The following CPD variants were observed in gnomAD, a reference collection of about 807,000 sequenced individuals.
CPD encodes the protein carboxypeptidase D.
A neutral mutation model predicts 138.3 loss-of-function variants in CPD; 69 were observed. That is an observed-to-expected ratio of 0.50 (90% CI 0.41 to 0.61). The LOEUF is 0.61. Ranked by LOEUF, CPD falls within the 20% of genes least tolerant of loss-of-function variation. The pLI is 0.00. For missense variants in CPD, 1,432 were observed against 1,733.3 expected (o/e 0.83, Z 3.09); for synonymous variants, 651 against 642.1 (o/e 1.01, Z -0.21).
chr17:30,447,532 A>G (rs566896006), intron 12 of CPD: 1 of 152,324 alleles, frequency 6.6e-6, no homozygotes, highest in East Asian at 1.9e-4. Flanking sequence ...CTACAGATCT[A>G]TTAATATGTT....
At chr17:30,438,595 G>GTATTA (rs978009946) in intron 8 of CPD, among the ~76,000 whole-genome samples, 1 of 152,068 alleles carries the variant, frequency 6.6e-6, no homozygotes, top group African/African-American at 2.4e-5. Context: ...TATTGTGTGT[G>GTATTA]TATTATCTTT....
intron 8 of CPD, among the ~76,000 whole-genome samples, chr17:30,435,846 T>G (rs1484784515): frequency 6.6e-6 from 1 of 152,140 alleles, no homozygotes; most frequent in Non-Finnish European, 1.5e-5. Context: ...TCCTTCCTTG[T>G]TTCTCCCTAG....
Position 30,385,309 on chromosome 17 carries a change from AAAG to A in CPD, c.994+79_994+81del, listed in dbSNP as rs1911154825. 7 of 1,502,490 alleles carry A rather than the reference AAAG, an allele frequency of 4.7e-6. No homozygotes were observed. The East Asian group carries it at 1.4e-4, about 29-fold the overall frequency. The allele number at this position is 1,502,490 out of a possible 1,614,324, so 93.1% of individuals were successfully genotyped here. A position where few individuals can be genotyped will look rare whatever the true frequency, so the allele number is the denominator to read the frequency against. ...TTTTGTTATGTGTATTCTGAGCAAA[AAAG>A]AAGAAACTCTGTAGAAATCTAACTT... On this transcript the variant is annotated intron_variant, in intron 2 of 20. Transcript: ENST00000225719.
At chr17:30,453,265 A>C (rs1913211741) in intron 14 of CPD, among the ~76,000 whole-genome samples, 1 of 152,220 alleles carries the variant, frequency 6.6e-6, no homozygotes, top group African/African-American at 2.4e-5. Flanking sequence ...AAAGCAAGTT[A>C]GTTACTTCCT....
rs958136529 is a variant in CPD at position 30,469,165 on chromosome 17, T to C, written c.*4351T>C. 1.4e-4 allele frequency: 22 copies of C among 152,288 alleles called. No homozygotes were observed. Among genetic ancestry groups the C allele is most frequent in the African/African-American group, 5.3e-4 (22 of 41,562 alleles). 9.4% of individuals were successfully genotyped at this position (152,288 alleles called of 1,614,324 possible). On this transcript the variant is annotated 3_prime_UTR_variant, in exon 21 of 21. Transcript: ENST00000225719. ...TAGGAATTGGGAAAGCAAAGTTGTA[T>C]GAGAAACAGACTCTGCTGATAAAGT... is the stretch of plus-strand genomic sequence containing the variant.
intron 11 of CPD, among the ~76,000 whole-genome samples, chr17:30,445,337 C>T (rs1334312523): frequency 1.3e-5 from 2 of 151,902 alleles, no homozygotes; most frequent in African/African-American, 4.8e-5. Flanking sequence ...TGGTGGTGGG[C>T]ACCTGCAATC....
intron 17 of CPD, among the ~76,000 whole-genome samples, chr17:30,460,464 G>A (rs185270611): frequency 6.6e-6 from 1 of 152,242 alleles, no homozygotes; most frequent in African/African-American, 2.4e-5. Flanking sequence ...AAAGTAATGA[G>A]GGCCTAGGTT....
Position 30,464,440 on chromosome 17 carries a change from G to A in CPD, c.3917-148G>A, listed in dbSNP as rs1913576818. Reference sequence around the variant, plus strand: ...AAACTTTGTATATTGTACATATACTGCTTCTATAATAATAAAGGTTGTTCT... The same window carrying A: ...AAACTTTGTATATTGTACATATACTACTTCTATAATAATAAAGGTTGTTCT... On this transcript the variant is annotated intron_variant, in intron 20 of 20. Transcript: ENST00000225719. 2.3e-5 allele frequency: 15 copies of A among 666,654 alleles called. No homozygotes were observed. The Admixed American group carries it at 4.0e-4, about 18-fold the overall frequency. The allele number at this position is 666,654 out of a possible 1,614,324, so 41.3% of individuals were successfully genotyped here. A position where few individuals can be genotyped will look rare whatever the true frequency, so the allele number is the denominator to read the frequency against.
At chr17:30,427,937 T>TTCC (rs1344897377) in intron 7 of CPD, among the ~76,000 whole-genome samples, 1 of 151,696 alleles carries the variant, frequency 6.6e-6, no homozygotes, top group Non-Finnish European at 1.5e-5. Context: ...TACTCTGTTC[T>TTCC]TCCTCCTCCT....
chr17:30,387,495 T>C (rs566828249), intron 2 of CPD, among the ~76,000 whole-genome samples: 81 of 152,314 alleles, frequency 5.3e-4, no homozygotes, highest in African/African-American at 1.9e-3. Context: ...TTTTTAAACT[T>C]TAGGTATGCT....
At position 30,389,098 on chromosome 17, in the gene CPD, G is replaced by A. The variant is rs151126554; in HGVS notation, c.994+3862G>A. Among the ~76,000 whole-genome samples the A allele has an allele frequency of 3.0e-3, 463 of 152,314 alleles. 2 individuals are homozygous for A. The highest frequency in any genetic ancestry group is 0.01 in the African/African-American group (425 of 41,576). ...CTCTGCCTGACTACATTACTCCCCC[G>A]CTGTGCTGCTCTGGGCCTGACCCCA... On this transcript the variant is annotated intron_variant, in intron 2 of 20. Coordinates refer to ENST00000225719, the MANE Select transcript of CPD (RefSeq NM_001304.5).
At chr17:30,460,300 A>G (rs1005798413) in intron 17 of CPD, among the ~76,000 whole-genome samples, 12 of 152,160 alleles carry the variant, frequency 7.9e-5, no homozygotes, top group Admixed American at 7.9e-4. Context: ...CTTTGTTTTA[A>G]TAAGAATGGG....
rs1036900143 is a variant in CPD, at chr17:30,466,877, G to A, written c.*2063G>A. The A allele has an allele frequency of 2.0e-5, 3 of 152,244 alleles. No individual in the cohort carries two copies. Among genetic ancestry groups the A allele is most frequent in the Non-Finnish European group, 2.9e-5 (2 of 67,982 alleles). The allele number at this position is 152,244 out of a possible 1,614,324, so 9.4% of individuals were successfully genotyped here. On this transcript the variant is annotated 3_prime_UTR_variant, in exon 21 of 21. Transcript: ENST00000225719. ...GCATGTGTAAAATTTTTAAAGAAAT[G>A]AACATACACATAGTTATTTTAGTAA... is the stretch of plus-strand genomic sequence containing the variant.
chr17:30,451,452 G>T (rs193079256), intron 13 of CPD, among the ~76,000 whole-genome samples: 2 of 152,306 alleles, frequency 1.3e-5, no homozygotes, highest in East Asian at 3.9e-4. Flanking sequence ...ACTGGATTTG[G>T]CCTGCTGTTA....
intron 2 of CPD, among the ~76,000 whole-genome samples, chr17:30,404,229 C>G (rs1412591950): frequency 1.3e-5 from 2 of 152,060 alleles, no homozygotes; most frequent in African/African-American, 2.4e-5. Flanking sequence ...CCTCCATAAA[C>G]TTGACTTTTA....
chr17:30,452,895 A>G (rs2143492109), intron 14 of CPD, among the ~76,000 whole-genome samples: 1 of 152,024 alleles, frequency 6.6e-6, no homozygotes, highest in South Asian at 2.1e-4. Context: ...GCAGCAAGAG[A>G]GTGTGAGAAG....
At chr17:30,460,732 G>A (rs191433147) in intron 17 of CPD, among the ~76,000 whole-genome samples, 2 of 152,302 alleles carry the variant, frequency 1.3e-5, no homozygotes, top group Non-Finnish European at 1.5e-5. Flanking sequence ...TATCAATGCC[G>A]TATTGCAGGG....
intron 8 of CPD, among the ~76,000 whole-genome samples, chr17:30,432,570 C>T (rs529658485): frequency 2.6e-5 from 4 of 152,020 alleles, no homozygotes; most frequent in South Asian, 4.2e-4. Flanking sequence ...CTCTTACAAT[C>T]GGGAATGTTA....
At chr17:30,385,568 G>C (rs1415758636) in intron 2 of CPD, among the ~76,000 whole-genome samples, 2 of 146,530 alleles carry the variant, frequency 1.4e-5, no homozygotes, top group Admixed American at 1.4e-4. Flanking sequence ...TCCAAAAGTA[G>C]GTTGCAGATT....
Sources: gnomAD v4.1 joint callset for allele counts (sites outside exome capture counted in the v4.1 genomes callset) on GRCh38, gnomAD v4.1.1 for gene constraint, MANE v1.5 for transcripts, NCBI Gene and HGNC (gene_info 2026-07-23, HGNC 2026-07-21) for gene names.